CDH10: variants seen among roughly 807,000 people sequenced by gnomAD.
The protein encoded by CDH10 is cadherin 10, also known as cadherin-10.
In CDH10, 30 loss-of-function variants were observed where a neutral mutation model predicts 73.1. The ratio of observed to expected loss-of-function variants is 0.41; its 90% CI spans 0.31 to 0.56. CDH10 has a LOEUF of 0.56. CDH10 is among the 20% of genes least tolerant of loss of function. The pLI is 0.27. For missense variants in CDH10, 815 were observed against 973.7 expected (o/e 0.84, Z 2.17); for synonymous variants, 345 against 348.2 (o/e 0.99, Z 0.10).
In CDH10 at chr5:24,619,280, G is replaced by A. The variant is rs112865918; in HGVS notation, c.-124+25314C>T. Among the ~76,000 whole-genome samples the A allele has an allele frequency of 7.5e-3, 1,136 of 151,896 alleles. 12 individuals carry two copies. Among genetic ancestry groups the A allele is most frequent in the African/African-American group, 0.026 (1,084 of 41,424 alleles). Reference sequence around the variant, plus strand: ...GCAATCTCGGCTCACTGCAAGTTCCGCCTCCCGGGTTCACGCCATTCTCCT... The same window carrying A: ...GCAATCTCGGCTCACTGCAAGTTCCACCTCCCGGGTTCACGCCATTCTCCT... On this transcript the variant is annotated intron_variant, in intron 1 of 11. Coordinates refer to ENST00000264463, the MANE Select transcript of CDH10 (RefSeq NM_006727.5).
intron 1 of CDH10, among the ~76,000 whole-genome samples, chr5:24,616,965 T>C (rs1006148790): frequency 6.6e-6 from 1 of 152,190 alleles, no homozygotes; most frequent in Non-Finnish European, 1.5e-5. Context: ...TATAATTCCA[T>C]TGAATTTAAC....
chr5:24,529,119 T>C (rs995368178), intron 5 of CDH10, among the ~76,000 whole-genome samples: 17 of 152,030 alleles, frequency 1.1e-4, no homozygotes, highest in Admixed American at 8.6e-4. Flanking sequence ...TGCCTAATAC[T>C]ATTATTTTTA....
intron 2 of CDH10, among the ~76,000 whole-genome samples, chr5:24,538,749 C>T (rs1744048185): frequency 6.6e-6 from 1 of 151,994 alleles, no homozygotes; most frequent in South Asian, 2.1e-4. Flanking sequence ...AAATAATGGG[C>T]CCAATGACCT....
intron 2 of CDH10, among the ~76,000 whole-genome samples, chr5:24,560,829 A>G (rs1351883277): frequency 6.6e-6 from 1 of 152,168 alleles, no homozygotes; most frequent in Admixed American, 6.5e-5. Flanking sequence ...CCACAAAAAT[A>G]AAATAAAGTT....
intron 11 of CDH10, among the ~76,000 whole-genome samples, chr5:24,490,561 T>C (rs1236670838): frequency 6.6e-6 from 1 of 152,062 alleles, no homozygotes; most frequent in Non-Finnish European, 1.5e-5. Flanking sequence ...AAACACACAG[T>C]GAAAGTGCAT....
At chr5:24,507,818 G>T (rs1293360129) in intron 7 of CDH10, among the ~76,000 whole-genome samples, 1 of 152,066 alleles carries the variant, frequency 6.6e-6, no homozygotes, top group Non-Finnish European at 1.5e-5. Context: ...AAATGAATTG[G>T]GGAAGAGGCA....
intron 1 of CDH10, among the ~76,000 whole-genome samples, chr5:24,596,140 T>A (rs958731626): frequency 1.2e-4 from 18 of 152,100 alleles, no homozygotes; most frequent in Middle Eastern, 6.8e-3. Context: ...TAACATTTAA[T>A]TTCTCTGCAG....
intron 2 of CDH10, among the ~76,000 whole-genome samples, chr5:24,575,412 A>AT (rs1487712794): frequency 6.6e-6 from 1 of 151,634 alleles, no homozygotes; most frequent in Non-Finnish European, 1.5e-5. Context: ...TCAGTCTGTA[A>AT]TTTTAGAGTA....
intron 1 of CDH10, among the ~76,000 whole-genome samples, chr5:24,633,465 T>C (rs1747769293): frequency 6.6e-6 from 1 of 151,932 alleles, no homozygotes; most frequent in Non-Finnish European, 1.5e-5. Context: ...CAGAGTTTGC[T>C]GGTATTAGTT....
chr5:24,527,930 T>C (rs1743591320), intron 5 of CDH10, among the ~76,000 whole-genome samples: 1 of 151,846 alleles, frequency 6.6e-6, no homozygotes, highest in Non-Finnish European at 1.5e-5. Context: ...AAAATGCAAA[T>C]TAGTTGTGAA....
intron 2 of CDH10, among the ~76,000 whole-genome samples, chr5:24,579,870 C>T (rs1200312685): frequency 2.0e-5 from 3 of 152,068 alleles, no homozygotes; most frequent in Non-Finnish European, 2.9e-5. Flanking sequence ...AGTCCCATGA[C>T]ATTAAATACC....
chr5:24,584,747 GT>G (rs1385592200), intron 2 of CDH10, among the ~76,000 whole-genome samples: 1 of 151,950 alleles, frequency 6.6e-6, no homozygotes, highest in Non-Finnish European at 1.5e-5. Flanking sequence ...GGGATTACAG[GT>G]GTGAGCTACC....
chr5:24,627,262 C>T (rs1045181707), intron 1 of CDH10, among the ~76,000 whole-genome samples: 8 of 152,028 alleles, frequency 5.3e-5, no homozygotes, highest in Admixed American at 4.6e-4. Context: ...ACTGTGAATA[C>T]ATTTCGACAA....
chr5:24,638,024 A>G lies in CDH10; in HGVS notation c.-124+6570T>C, dbSNP rs1303881863. Among the ~76,000 whole-genome samples the G allele has an allele frequency of 2.6e-5, 4 of 151,692 alleles. No individual in the cohort carries two copies. The East Asian group carries it at 7.8e-4, about 30-fold the overall frequency. ...TCAAGATTATGGTTGCCATTCATCT[A>G]TTTTCTCATCTCCACTGGGCTGGAT... is the stretch of plus-strand genomic sequence containing the variant. On this transcript the variant is annotated intron_variant, in intron 1 of 11. Transcript: ENST00000264463.
At chr5:24,576,195 C>A (rs1049452477) in intron 2 of CDH10, among the ~76,000 whole-genome samples, 2 of 152,036 alleles carry the variant, frequency 1.3e-5, no homozygotes, top group Admixed American at 1.3e-4. Flanking sequence ...CAGCTATAAA[C>A]CAAAATTAAA....
intron 1 of CDH10, among the ~76,000 whole-genome samples, chr5:24,626,588 G>A (rs908805494): frequency 2.6e-5 from 4 of 151,750 alleles, no homozygotes; most frequent in African/African-American, 9.7e-5. Flanking sequence ...TAACTTTGAT[G>A]TAGATTTCTA....
At chr5:24,507,415 A>T (rs1742736666) in intron 7 of CDH10, among the ~76,000 whole-genome samples, 1 of 151,222 alleles carries the variant, frequency 6.6e-6, no homozygotes, top group African/African-American at 2.4e-5. Flanking sequence ...TATGTATAAT[A>T]ATATACACAA....
chr5:24,512,910 GA>G (rs1742972166), intron 5 of CDH10, among the ~76,000 whole-genome samples: 1 of 151,828 alleles, frequency 6.6e-6, no homozygotes, highest in South Asian at 2.1e-4. Context: ...TCACTTCCAT[GA>G]AAGATATGGA....
chr5:24,514,914 G>A (rs1268711863), intron 5 of CDH10, among the ~76,000 whole-genome samples: 1 of 152,008 alleles, frequency 6.6e-6, no homozygotes, highest in Non-Finnish European at 1.5e-5. Context: ...CATTTAGAGA[G>A]TACAGATTCT....
Sources: gnomAD v4.1 joint callset for allele counts (sites outside exome capture counted in the v4.1 genomes callset) on GRCh38, gnomAD v4.1.1 for gene constraint, MANE v1.5 for transcripts, NCBI Gene and HGNC (gene_info 2026-07-23, HGNC 2026-07-21) for gene names.